The following ZFPM1 variants were observed in gnomAD, a reference collection of about 807,000 sequenced individuals.
ZFPM1 encodes zinc finger protein ZFPM1.
ZFPM1 carries 28 observed loss-of-function variants against 46.3 expected under a neutral mutation model. The ratio of observed to expected loss-of-function variants is 0.60; its 90% CI spans 0.45 to 0.83. The LOEUF (loss-of-function observed/expected upper bound fraction) is 0.83. ZFPM1 is among the 40% of genes least tolerant of loss of function. The pLI is 0.00. For missense variants in ZFPM1, 1,878 were observed against 1,432.4 expected (o/e 1.31, Z -5.02); for synonymous variants, 957 against 675.9 (o/e 1.42, Z -6.45).
chr16:88,488,939 G>A (rs1909396504), intron 2 of ZFPM1, 92 bp from the exon 3 acceptor site: 14 of 1,513,256 alleles, frequency 9.3e-6, no homozygotes, highest in Admixed American at 6.2e-5. Flanking sequence ...CCAACCCGGC[G>A]CCCAGCGCCT....
intron 2 of ZFPM1, among the ~76,000 whole-genome samples, chr16:88,487,055 G>A (rs942140591): frequency 2.0e-5 from 3 of 152,182 alleles, no homozygotes; most frequent in Admixed American, 2.0e-4. Context: ...CAATTCCATG[G>A]GGCAGGGCAT....
chr16:88,514,351 C>T (rs1597266546), intron 3 of ZFPM1, 36 bp from the exon 4 acceptor site: 1 of 1,554,386 alleles, frequency 6.4e-7, no homozygotes. Context: ...AGGCCCCAGA[C>T]CGGGCACGCC....
chr16:88,501,435 G>A (rs1375210430), intron 3 of ZFPM1, among the ~76,000 whole-genome samples: 9 of 117,048 alleles, frequency 7.7e-5, no homozygotes, highest in African/African-American at 1.4e-4. Flanking sequence ...ACATGGATGC[G>A]GGGGCCATCC....
chr16:88,465,971 G>A (rs946653966), intron 1 of ZFPM1, among the ~76,000 whole-genome samples: 1 of 152,334 alleles, frequency 6.6e-6, no homozygotes, highest in Middle Eastern at 3.4e-3. Flanking sequence ...CCGTGCACGG[G>A]GGAAACCAAG....
chr16:88,498,175 C>T (rs1224515924), intron 3 of ZFPM1, among the ~76,000 whole-genome samples: 2 of 151,728 alleles, frequency 1.3e-5, no homozygotes, highest in Non-Finnish European at 1.5e-5. Context: ...TCCTGGGGAA[C>T]ACGGACCCAC....
chr16:88,518,720 G>A (rs573087955), intron 4 of ZFPM1, among the ~76,000 whole-genome samples: 30 of 148,280 alleles, frequency 2.0e-4, no homozygotes, highest in African/African-American at 7.5e-4. Context: ...TGGATGGATG[G>A]ATGGATGGCT....
chr16:88,461,234 C>A lies in ZFPM1; in HGVS notation c.40+7556C>A, dbSNP rs151286390. Among the ~76,000 whole-genome samples the A allele has an allele frequency of 3.7e-4, 16 of 42,756 alleles. 2 individuals are homozygous for A. The highest frequency in any genetic ancestry group is 9.6e-4 in the East Asian group (1 of 1,046). The allele number at this position is 42,756 out of a possible 152,430, so 28.0% of individuals were successfully genotyped here. On this transcript the variant is annotated intron_variant, in intron 1 of 9. Coordinates refer to ENST00000319555, the MANE Select transcript of ZFPM1 (RefSeq NM_153813.3). ...AGGGGCGGGAGGCCTGGTGAGGACC[C>A]AGGGGTGGGGCGGGAGGCCCTGGTG...
intron 1 of ZFPM1, among the ~76,000 whole-genome samples, chr16:88,483,956 T>C (rs1018241911): frequency 6.6e-6 from 1 of 152,168 alleles, no homozygotes; most frequent in Non-Finnish European, 1.5e-5. Context: ...TCTCGCATCT[T>C]CGGGGGTCTC....
intron 4 of ZFPM1, among the ~76,000 whole-genome samples, chr16:88,515,862 G>C (rs1320688542): frequency 6.6e-6 from 1 of 152,206 alleles, no homozygotes; most frequent in Non-Finnish European, 1.5e-5. Context: ...TGATCCTTCT[G>C]GGGTGCTGGG....
intron 3 of ZFPM1, among the ~76,000 whole-genome samples, chr16:88,492,114 T>C (rs1909614507): frequency 6.6e-6 from 1 of 151,796 alleles, no homozygotes. Context: ...CCTCGCCTTC[T>C]CCCTCTCTCC....
In ZFPM1 at chr16:88,457,617, G is replaced by A. The variant is rs377405388; in HGVS notation, c.40+3939G>A. Among the ~76,000 whole-genome samples, 366 of 152,066 alleles carry A rather than the reference G, an allele frequency of 2.4e-3. 1 individual carries two copies. Among genetic ancestry groups the A allele is most frequent in the African/African-American group, 8.4e-3 (349 of 41,484 alleles). On this transcript the variant is annotated intron_variant, in intron 1 of 9. Transcript: ENST00000319555. ...ATCTCAGAGTCCTGATCCCAGCCAC[G>A]TTTTTCTCTCTTTCTCTCTCTTTTT...
At chr16:88,483,636 C>T (rs910534182) in intron 1 of ZFPM1, among the ~76,000 whole-genome samples, 2 of 152,248 alleles carry the variant, frequency 1.3e-5, no homozygotes, top group Non-Finnish European at 2.9e-5. Flanking sequence ...CGGGGCCCAT[C>T]TGTTGTTCTC....
chr16:88,464,106 C>T (rs945981910), intron 1 of ZFPM1, among the ~76,000 whole-genome samples: 1 of 152,184 alleles, frequency 6.6e-6, no homozygotes, highest in Non-Finnish European at 1.5e-5. Context: ...ATTGGAGGCT[C>T]CTTCTTCCCA....
At chr16:88,474,946 C>A (rs1190589719) in intron 1 of ZFPM1, among the ~76,000 whole-genome samples, 1 of 152,208 alleles carries the variant, frequency 6.6e-6, no homozygotes, top group Non-Finnish European at 1.5e-5. Flanking sequence ...CCCCTATGCC[C>A]AGAGCCAGTC....
At chr16:88,531,040 C>T (rs1474247548) in intron 6 of ZFPM1, 3 of 152,258 alleles carry the variant, frequency 2.0e-5, no homozygotes, top group Non-Finnish European at 4.4e-5. Flanking sequence ...TCAGGATCAA[C>T]ATCGGAGAAG....
intron 6 of ZFPM1, among the ~76,000 whole-genome samples, chr16:88,529,593 T>G (rs918620039): frequency 4.6e-5 from 7 of 152,140 alleles, no homozygotes; most frequent in Non-Finnish European, 8.8e-5. Context: ...CAGAGAGCCC[T>G]GGGGCCTGTG....
intron 1 of ZFPM1, among the ~76,000 whole-genome samples, chr16:88,454,910 G>T (rs967600185): frequency 1.3e-5 from 2 of 152,172 alleles, no homozygotes; most frequent in Non-Finnish European, 2.9e-5. Context: ...CTTGTGCGGG[G>T]CCTGTGGGAG....
At chr16:88,452,925 G>C (rs890615551), upstream of ZFPM1, among the ~76,000 whole-genome samples, 2 of 152,206 alleles carry the variant, frequency 1.3e-5, no homozygotes, top group African/African-American at 2.4e-5. Flanking sequence ...AAAGAGGAGT[G>C]GGGGAGGCTA....
chr16:88,533,438 A>G lies in ZFPM1; in HGVS notation c.1480A>G (p.Ser494Gly). The change falls in exon 10 of 10, where the codon AGC (serine) becomes GGC (glycine). Residue 494 changes from serine (S) to glycine (G), a missense_variant. Transcript: ENST00000319555. ...QAPSRTPSPR[S>G]PAPARVKAEL... ...CCCGTCGCGGACGCCGTCGCCGCGC[A>G]GCCCCGCCCCGGCCAGGGTCAAGGC... 3 of 1,448,812 alleles carry G rather than the reference A, an allele frequency of 2.1e-6. No individual in the cohort carries two copies. The Admixed American group carries it at 8.3e-5, about 40-fold the overall frequency. The allele number at this position is 1,448,812 out of a possible 1,614,324, so 89.7% of individuals were successfully genotyped here.
Sources: gnomAD v4.1 joint callset for allele counts (sites outside exome capture counted in the v4.1 genomes callset) on GRCh38, gnomAD v4.1.1 for gene constraint, MANE v1.5 for transcripts, NCBI Gene and HGNC (gene_info 2026-07-23, HGNC 2026-07-21) for gene names.